The following SLC25A26 variants were observed in gnomAD, a reference collection of about 807,000 sequenced individuals.
The protein encoded by SLC25A26 is solute carrier family 25 member 26, also known as mitochondrial S-adenosylmethionine carrier protein.
Under a neutral mutation model 37.8 loss-of-function variants are expected in SLC25A26, and 36 were observed. The ratio of observed to expected loss-of-function variants is 0.95; its 90% CI spans 0.73 to 1.26. The LOEUF (loss-of-function observed/expected upper bound fraction) is 1.26, where lower values mean the gene tolerates loss of function less well. Ranked by LOEUF, SLC25A26 falls within the 50% of genes most tolerant of loss-of-function variation. The pLI is 0.00. For synonymous variants in SLC25A26, 129 were observed against 122.5 expected (o/e 1.05, Z -0.35); for missense variants, 390 against 331.1 (o/e 1.18, Z -1.38).
upstream of SLC25A26, among the ~76,000 whole-genome samples, chr3:66,218,435 C>T (rs1490099464): frequency 1.3e-5 from 2 of 152,172 alleles, no homozygotes; most frequent in Non-Finnish European, 2.9e-5. Context: ...TCATCCTTGT[C>T]AACACTTGGC....
Position 66,236,650 on chromosome 3 carries a change from A to G in SLC25A26, c.140A>G (p.His47Arg). The change falls in exon 2 of 10, where the codon CAT becomes CGT. Residue 47 changes from histidine (H) to arginine (R), a missense_variant. His to Arg is a conservative substitution (Grantham distance 29, BLOSUM62 0). Transcript: ENST00000354883. ...PQGFSKAGGF[H>R]GIYAGVPSAA... ...GGATTTAGTAAGGCTGGTGGTTTTC[A>G]TGGAATATATGCTGGCGTTCCTTCT... 2 of 1,529,678 alleles carry G rather than the reference A, an allele frequency of 1.3e-6. No homozygotes were observed. Among genetic ancestry groups the G allele is most frequent in the Non-Finnish European group, 1.8e-6 (2 of 1,141,856 alleles). The allele number at this position is 1,529,678 out of a possible 1,614,324, so 94.8% of individuals were successfully genotyped here.
At chr3:66,158,192 T>G (rs1327257742) in intron 1 of SLC25A26, among the ~76,000 whole-genome samples, 2 of 152,258 alleles carry the variant, frequency 1.3e-5, no homozygotes, top group African/African-American at 4.8e-5. Flanking sequence ...TTTTGAGGCT[T>G]CAATATTGTT....
intron 3 of SLC25A26, among the ~76,000 whole-genome samples, chr3:66,257,537 G>A (rs1459724388): frequency 2.0e-5 from 3 of 152,096 alleles, no homozygotes; most frequent in African/African-American, 7.2e-5. Flanking sequence ...CTGAGGGATG[G>A]GCCTGGTAAA....
chr3:66,352,813 C>G (rs2076489176), intron 6 of SLC25A26, among the ~76,000 whole-genome samples: 1 of 152,022 alleles, frequency 6.6e-6, no homozygotes, highest in Non-Finnish European at 1.5e-5. Context: ...CTCCTCTTTC[C>G]CCATTACTCA....
chr3:66,233,002 C>G (rs958160360), intron 1 of SLC25A26, among the ~76,000 whole-genome samples: 1 of 152,136 alleles, frequency 6.6e-6, no homozygotes, highest in Admixed American at 6.5e-5. Context: ...TGGAGGAAAC[C>G]GAGACTGTCG....
rs1559572333 is a variant in SLC25A26 at position 66,197,080 on chromosome 3, T to C, written c.-353-23662T>C. Among the ~76,000 whole-genome samples the C allele has an allele frequency of 2.6e-5, 4 of 152,314 alleles. No individual in the cohort carries two copies. The East Asian group carries it at 7.7e-4, about 29-fold the overall frequency. On this transcript the variant is annotated intron_variant, in intron 1 of 10. Transcript: ENST00000676754. Reference sequence around the variant, plus strand: ...TGAAAGTAGTATGTTTTGCTGTCCTTATGTTTATGTCAGTTTACTCTAAAA... The same window carrying C: ...TGAAAGTAGTATGTTTTGCTGTCCTCATGTTTATGTCAGTTTACTCTAAAA...
chr3:66,225,808 G>C (rs1467683635), intron 1 of SLC25A26, among the ~76,000 whole-genome samples: 1 of 152,106 alleles, frequency 6.6e-6, no homozygotes, highest in Non-Finnish European at 1.5e-5. Flanking sequence ...TCTAGGGCAG[G>C]GGCAAAATGC....
intron 5 of SLC25A26, among the ~76,000 whole-genome samples, chr3:66,273,533 C>CTG (rs2074028014): frequency 6.6e-6 from 1 of 152,096 alleles, no homozygotes; most frequent in African/African-American, 2.4e-5. Flanking sequence ...TCTCCTTAAG[C>CTG]TGATAAGCAA....
chr3:66,314,057 C>T (rs1376416142), intron 5 of SLC25A26, among the ~76,000 whole-genome samples: 1 of 152,160 alleles, frequency 6.6e-6, no homozygotes, highest in Non-Finnish European at 1.5e-5. Context: ...AGTATCATGT[C>T]ATCTGCAAAC....
At chr3:66,257,700 A>G (rs1259757425) in intron 3 of SLC25A26, among the ~76,000 whole-genome samples, 1 of 152,090 alleles carries the variant, frequency 6.6e-6, no homozygotes, top group Non-Finnish European at 1.5e-5. Context: ...ATGTGCAAAT[A>G]TTGACTGTGT....
At chr3:66,369,385 A>G in intron 7 of SLC25A26, 93 bp from the exon 8 acceptor site, 1 of 1,019,494 alleles carries the variant, frequency 9.8e-7, no homozygotes, top group South Asian at 1.4e-5. Flanking sequence ...GTACATAATG[A>G]CGAAGTGATT....
intron 1 of SLC25A26, among the ~76,000 whole-genome samples, chr3:66,140,691 C>G (rs1284275261): frequency 6.6e-6 from 1 of 152,130 alleles, no homozygotes; most frequent in Non-Finnish European, 1.5e-5. Flanking sequence ...CGGCACCTGT[C>G]TTTTTAATGC....
intron 3 of SLC25A26, among the ~76,000 whole-genome samples, chr3:66,248,601 C>G (rs2072950392): frequency 6.6e-6 from 1 of 152,118 alleles, no homozygotes; most frequent in South Asian, 2.1e-4. Flanking sequence ...GAAATTTCTT[C>G]ACCCTTGAAA....
intron 6 of SLC25A26, among the ~76,000 whole-genome samples, chr3:66,352,435 G>GTTTTTTTT (rs376280552): frequency 6.1e-5 from 8 of 131,156 alleles, no homozygotes; most frequent in African/African-American, 2.2e-4. Flanking sequence ...TTTGTTTTTT[G>GTTTTTTTT]TTTTTTGTTT....
chr3:66,243,246 G>A lies in SLC25A26; in HGVS notation c.234G>A (p.Leu78=), dbSNP rs781819996. ...CCTATGAATATGTGAAGTGGTTTTT[G>A]CATGCTGATTCATCTTCATATTTGA... ...FITYEYVKWF[L]HADSSSYLTP... Residue 78 remains leucine (L), a synonymous_variant, in exon 3 of 10, where the codon TTG becomes TTA. Transcript: ENST00000354883. 3 of 1,609,416 alleles carry A rather than the reference G, an allele frequency of 1.9e-6. No homozygotes were observed. The highest frequency in any genetic ancestry group is 2.5e-6 in the Non-Finnish European group (3 of 1,177,254).
chr3:66,313,952 A>T (rs764974710), intron 5 of SLC25A26, among the ~76,000 whole-genome samples: 20 of 152,022 alleles, frequency 1.3e-4, no homozygotes, highest in African/African-American at 3.9e-4. Flanking sequence ...AATGCTTGTG[A>T]CTTTTGCATG....
At chr3:66,163,675 C>T (rs1003387779) in intron 1 of SLC25A26, among the ~76,000 whole-genome samples, 5 of 152,138 alleles carry the variant, frequency 3.3e-5, no homozygotes, top group Admixed American at 6.6e-5. Context: ...CTACAGTGCC[C>T]GCCTCCTCTT....
intron 5 of SLC25A26, among the ~76,000 whole-genome samples, chr3:66,274,954 A>G (rs1455413171): frequency 6.6e-6 from 1 of 152,140 alleles, no homozygotes; most frequent in African/African-American, 2.4e-5. Context: ...ATGCAAACGT[A>G]TGTTTATTGC....
intron 9 of SLC25A26, among the ~76,000 whole-genome samples, chr3:66,372,476 A>G (rs1700400095): frequency 1.3e-5 from 2 of 152,218 alleles, no homozygotes; most frequent in Non-Finnish European, 1.5e-5. Context: ...AATACTAAGC[A>G]GTGCCAGAAA....
Sources: gnomAD v4.1 joint callset for allele counts (sites outside exome capture counted in the v4.1 genomes callset) on GRCh38, gnomAD v4.1.1 for gene constraint, MANE v1.5 for transcripts, NCBI Gene and HGNC (gene_info 2026-07-23, HGNC 2026-07-21) for gene names.